NTN1: variants seen among roughly 807,000 people sequenced by gnomAD.
The protein encoded by NTN1 is netrin 1.
NTN1 carries 11 observed loss-of-function variants against 54.2 expected under a neutral mutation model. The observed-to-expected ratio is 0.20, with a 90% confidence interval of 0.13 to 0.34. NTN1 has a LOEUF of 0.34. Among genes scored for constraint, NTN1 ranks in the 10% least tolerant of loss-of-function variants. The pLI, the probability that NTN1 is intolerant of heterozygous loss-of-function variation, is 1.00. For synonymous variants in NTN1, 371 were observed against 382.0 expected (o/e 0.97, Z 0.33); for missense variants, 740 against 893.1 (o/e 0.83, Z 2.18).
At chr17:9,214,921 T>C (rs532778247) in intron 5 of NTN1, among the ~76,000 whole-genome samples, 2 of 152,364 alleles carry the variant, frequency 1.3e-5, no homozygotes, top group South Asian at 2.1e-4. Flanking sequence ...ACCTTCATTG[T>C]TTTGTCTTTA....
intron 2 of NTN1, among the ~76,000 whole-genome samples, chr17:9,079,579 G>T (rs1049064805): frequency 1.3e-5 from 2 of 152,200 alleles, no homozygotes; most frequent in Admixed American, 6.5e-5. Flanking sequence ...GTTCCCCAGA[G>T]GAAGTGGTAG....
intron 2 of NTN1, among the ~76,000 whole-genome samples, chr17:9,140,860 A>G (rs1036289641): frequency 6.6e-6 from 1 of 152,182 alleles, no homozygotes; most frequent in Non-Finnish European, 1.5e-5. Context: ...GTCTAAGATG[A>G]TGGTGACTTG....
In NTN1 at chr17:9,241,460, C is replaced by A. The variant is rs150517773; in HGVS notation, c.*1492C>A. The A allele has an allele frequency of 1.5e-3, 233 of 153,362 alleles. No homozygotes were observed. Among genetic ancestry groups the A allele is most frequent in the African/African-American group, 5.2e-3 (217 of 41,588 alleles). 9.5% of individuals were successfully genotyped at this position (153,362 alleles called of 1,614,324 possible). On this transcript the variant is annotated 3_prime_UTR_variant, in exon 7 of 7. Coordinates refer to ENST00000173229, the MANE Select transcript of NTN1 (RefSeq NM_004822.3). ...GCCCTGGGGCCTCCTGGCTCCCTGCCTTCCTGGGCTCTCTGCACTGCCCGG... is the reference window on the plus strand; with the variant it reads ...GCCCTGGGGCCTCCTGGCTCCCTGCATTCCTGGGCTCTCTGCACTGCCCGG...
intron 3 of NTN1, chr17:9,176,688 T>C (rs2142312756): frequency 6.6e-6 from 1 of 152,360 alleles, no homozygotes; most frequent in South Asian, 2.1e-4. Context: ...TCCAGGCAAG[T>C]CTGTTAGGAT....
Position 9,026,395 on chromosome 17 carries a change from G to C in NTN1, c.1018+3004G>C, listed in dbSNP as rs550286697. On this transcript the variant is annotated intron_variant, in intron 2 of 6. Coordinates refer to ENST00000173229, the MANE Select transcript of NTN1 (RefSeq NM_004822.3). Reference sequence around the variant, plus strand: ...AATGCAGTTTTGGATTTCTTCCGGGGGGGGGGAACAAACAACCCTCAAAAC... The same window carrying C: ...AATGCAGTTTTGGATTTCTTCCGGGCGGGGGGAACAAACAACCCTCAAAAC... Among the ~76,000 whole-genome samples the C allele has an allele frequency of 2.7e-3, 407 of 148,804 alleles. 2 individuals are homozygous for C. The highest frequency in any genetic ancestry group is 9.4e-3 in the African/African-American group (370 of 39,310).
At chr17:9,056,957 C>T (rs1404293856) in intron 2 of NTN1, among the ~76,000 whole-genome samples, 2 of 152,160 alleles carry the variant, frequency 1.3e-5, no homozygotes, top group Non-Finnish European at 2.9e-5. Flanking sequence ...TGCCCCCCGT[C>T]TCGTCCCTTC....
intron 2 of NTN1, among the ~76,000 whole-genome samples, chr17:9,142,647 C>G (rs981299555): frequency 1.3e-5 from 2 of 152,076 alleles, no homozygotes; most frequent in African/African-American, 2.4e-5. Context: ...CTGATTTATT[C>G]ATTCATGGAC....
chr17:9,235,738 CTTT>C (rs113894662), intron 6 of NTN1, among the ~76,000 whole-genome samples: 1 of 55,304 alleles, frequency 1.8e-5, no homozygotes, highest in African/African-American at 4.8e-5. Context: ...CTTCTTTCTT[CTTT>C]TTTTTTTTCT....
intron 2 of NTN1, among the ~76,000 whole-genome samples, chr17:9,067,207 C>T (rs897996102): frequency 1.3e-5 from 2 of 149,494 alleles, no homozygotes; most frequent in Admixed American, 6.7e-5. Context: ...GCGGAGGTTG[C>T]AGTGAGCCAA....
rs149091964 is a variant in NTN1 at position 9,197,255 on chromosome 17, G to A, written c.1411+14286G>A. On this transcript the variant is annotated intron_variant, in intron 5 of 6. Transcript: ENST00000173229. ...CATGCAGTGAGTCAATGGCAGAACC[G>A]GTATTTCCACTTTACCACGGTCCTT... 3.0e-3 allele frequency among the ~76,000 whole-genome samples: 461 copies of A among 152,114 alleles called. 2 individuals carry two copies. The highest frequency in any genetic ancestry group is 9.6e-3 in the South Asian group (46 of 4,808).
intron 2 of NTN1, among the ~76,000 whole-genome samples, chr17:9,160,308 T>C (rs2092353615): frequency 6.6e-6 from 1 of 152,106 alleles, no homozygotes; most frequent in African/African-American, 2.4e-5. Flanking sequence ...TTTCACCATA[T>C]TGGCCAGGCT....
intron 2 of NTN1, among the ~76,000 whole-genome samples, chr17:9,034,764 T>G (rs1190576379): frequency 6.6e-6 from 1 of 151,922 alleles, no homozygotes; most frequent in Non-Finnish European, 1.5e-5. Context: ...GTGTAACACA[T>G]GTAGAGAAAA....
rs1567744907 is a variant in NTN1, at chr17:9,226,421, CGG to C, written c.1486+5180_1486+5181del. ...CTAAGGGGTGGGGGCCGTGGGGAGG[CGG>C]TCTCGTGGGGAGGCGGTCTCGTGGG... On this transcript the variant is annotated intron_variant, in intron 6 of 6. Transcript: ENST00000173229. 1.3e-4 allele frequency among the ~76,000 whole-genome samples: 18 copies of C among 143,144 alleles called. No individual in the cohort carries two copies. The South Asian group carries it at 1.6e-3, about 13-fold the overall frequency. The allele number at this position is 143,144 out of a possible 152,430, so 93.9% of individuals were successfully genotyped here.
At chr17:9,016,198 C>G in the NTN1 span, among the ~76,000 whole-genome samples, 1 of 152,192 alleles carries the variant, frequency 6.6e-6, no homozygotes, top group Non-Finnish European at 1.5e-5. Context: ...TCACTCTTTT[C>G]TTTCTTTGAA....
chr17:9,240,316 C>T lies in NTN1; in HGVS notation c.*348C>T, dbSNP rs2142380662. 6.5e-6 allele frequency: 1 copy of T among 152,676 alleles called. No individual in the cohort carries two copies. Among genetic ancestry groups the T allele is most frequent in the Middle Eastern group, 3.4e-3 (1 of 298 alleles). 9.5% of individuals were successfully genotyped at this position (152,676 alleles called of 1,614,324 possible). A position where few individuals can be genotyped will look rare whatever the true frequency, so the allele number is the denominator to read the frequency against. On this transcript the variant is annotated 3_prime_UTR_variant, in exon 7 of 7. Coordinates refer to ENST00000173229, the MANE Select transcript of NTN1 (RefSeq NM_004822.3). ...CGTGGAGGGGCTGGGGGCAGCCTGC[C>T]CTGGGGCCCGGGGGCGGGCGCAGAA... is the stretch of plus-strand genomic sequence containing the variant.
Position 9,242,585 on chromosome 17 carries a change from G to A in NTN1, c.*2617G>A, listed in dbSNP as rs1376692407. Reference sequence around the variant, plus strand: ...GACACGCCAAGCAACAAGGCATCTTGCGGAAAATTCAGCCAGTGTCCTGCC... The same window carrying A: ...GACACGCCAAGCAACAAGGCATCTTACGGAAAATTCAGCCAGTGTCCTGCC... On this transcript the variant is annotated 3_prime_UTR_variant, in exon 7 of 7. Transcript: ENST00000173229. 1 of 152,322 alleles carries A rather than the reference G, an allele frequency of 6.6e-6. No individual in the cohort carries two copies. The highest frequency in any genetic ancestry group is 1.5e-5 in the Non-Finnish European group (1 of 68,112). The allele number at this position is 152,322 out of a possible 1,614,324, so 9.4% of individuals were successfully genotyped here. A position where few individuals can be genotyped will look rare whatever the true frequency, so the allele number is the denominator to read the frequency against.
chr17:9,094,406 G>T (rs1348904981), intron 2 of NTN1, among the ~76,000 whole-genome samples: 1 of 151,332 alleles, frequency 6.6e-6, no homozygotes, highest in African/African-American at 2.4e-5. Flanking sequence ...TGAGTCAGAG[G>T]GTGTGTGTGT....
intron 2 of NTN1, among the ~76,000 whole-genome samples, chr17:9,099,577 A>T (rs962765001): frequency 1.2e-4 from 19 of 152,054 alleles, no homozygotes; most frequent in African/African-American, 4.6e-4. Context: ...TACCTAAAAA[A>T]TTCTACAATG....
chr17:9,134,192 C>T (rs1489117411), intron 2 of NTN1, among the ~76,000 whole-genome samples: 2 of 152,110 alleles, frequency 1.3e-5, no homozygotes, highest in African/African-American at 2.4e-5. Flanking sequence ...CATGAGCCAC[C>T]ACACCTGGCC....
Sources: gnomAD v4.1 joint callset for allele counts (sites outside exome capture counted in the v4.1 genomes callset) on GRCh38, gnomAD v4.1.1 for gene constraint, MANE v1.5 for transcripts, NCBI Gene and HGNC (gene_info 2026-07-23, HGNC 2026-07-21) for gene names.